Variants in PIK3C2G observed in about 807,000 individuals in gnomAD.
PIK3C2G encodes the protein phosphatidylinositol 3-kinase C2 domain-containing subunit gamma.
Under a neutral mutation model 181.1 loss-of-function variants are expected in PIK3C2G, and 168 were observed. The ratio of observed to expected loss-of-function variants is 0.93; its 90% CI spans 0.82 to 1.05. The LOEUF is 1.05. PIK3C2G is among the 50% of genes least tolerant of loss of function. The probability of loss-of-function intolerance (pLI) is 0.00; values close to 1 mark genes in which losing one functional copy is unlikely to be tolerated. For synonymous variants in PIK3C2G, 573 were observed against 592.2 expected, an observed-to-expected ratio of 0.97 and a Z score of 0.47; for missense variants, 1,869 against 1,732.8, an observed-to-expected ratio of 1.08 and a Z score of -1.40.
At chr12:18,591,716 TCA>T (rs1482647081) in intron 29 of PIK3C2G, among the ~76,000 whole-genome samples, 1 of 151,890 alleles carries the variant, frequency 6.6e-6, no homozygotes, top group Admixed American at 6.6e-5. Flanking sequence ...TAATGCAGAA[TCA>T]CTACAGGTTT....
intron 30 of PIK3C2G, among the ~76,000 whole-genome samples, chr12:18,599,326 T>G (rs1427412846): frequency 6.6e-6 from 1 of 151,836 alleles, no homozygotes; most frequent in African/African-American, 2.4e-5. Flanking sequence ...CCATAAAAAA[T>G]GATGAGTTCA....
At chr12:18,387,268 G>T (rs186858177) in intron 14 of PIK3C2G, among the ~76,000 whole-genome samples, 2 of 152,170 alleles carry the variant, frequency 1.3e-5, no homozygotes, top group East Asian at 3.9e-4. Context: ...AATTTATACA[G>T]TCACAAGGGT....
At chr12:18,721,946 G>A in the PIK3C2G span, among the ~76,000 whole-genome samples, 608 of 152,032 alleles carry the variant, frequency 4.0e-3, 3 homozygotes, top group Non-Finnish European at 6.5e-3. Flanking sequence ...TGGCCTATAA[G>A]AACCTATATG....
chr12:18,387,669 T>C (rs1360503921), intron 14 of PIK3C2G, among the ~76,000 whole-genome samples: 1 of 152,192 alleles, frequency 6.6e-6, no homozygotes, highest in Admixed American at 6.5e-5. Flanking sequence ...CCTTCTTCTA[T>C]GTTCACGTAA....
At position 18,282,250 on chromosome 12, in the gene PIK3C2G, G is replaced by A. The variant is rs1251272146; in HGVS notation, c.169G>A (p.Glu57Lys). Residue 57 changes from glutamate (E) to lysine (K), a missense_variant, in exon 2 of 33, where the codon GAA (glutamate) becomes AAA (lysine). Glu to Lys is a moderately conservative substitution (Grantham distance 56). Coordinates refer to ENST00000538779, the MANE Select transcript of PIK3C2G (RefSeq NM_001288772.2). ...ISGKIPHYES[E>K]IDENTFFVPT... ...TGGCAAAATTCCACACTACGAGAGT[G>A]AAATTGATGAAAACACCTTTTTTGT... is the stretch of plus-strand genomic sequence containing the variant. 2 of 1,613,708 alleles carry A rather than the reference G, an allele frequency of 1.2e-6. No homozygotes were observed.
At chr12:18,523,447 TTGGTA>T (rs1432602935) in intron 24 of PIK3C2G, among the ~76,000 whole-genome samples, 1 of 152,194 alleles carries the variant, frequency 6.6e-6, no homozygotes, top group African/African-American at 2.4e-5. Flanking sequence ...GGTAGCAACA[TTGGTA>T]GGATCACTGC....
intron 22 of PIK3C2G, among the ~76,000 whole-genome samples, chr12:18,498,420 AT>A (rs1233807457): frequency 6.6e-6 from 1 of 152,250 alleles, no homozygotes; most frequent in African/African-American, 2.4e-5. Context: ...AGACAACAAT[AT>A]CTAAGATATC....
chr12:18,472,891 G>A (rs919851231), intron 18 of PIK3C2G, among the ~76,000 whole-genome samples: 2 of 151,976 alleles, frequency 1.3e-5, no homozygotes, highest in African/African-American at 4.8e-5. Flanking sequence ...GTAGAGAGGC[G>A]GTTTCACCAT....
intron 18 of PIK3C2G, among the ~76,000 whole-genome samples, chr12:18,429,870 C>A (rs534261031): frequency 7.9e-5 from 12 of 152,294 alleles, no homozygotes; most frequent in Admixed American, 5.9e-4. Context: ...TGACTGCTAA[C>A]AAAATACGGC....
chr12:18,272,316 A>G (rs7307621), intron 1 of PIK3C2G, among the ~76,000 whole-genome samples: 56,533 of 151,882 alleles, frequency 0.37, 10,661 homozygotes, highest in Non-Finnish European at 0.41. Flanking sequence ...AATTAAATCT[A>G]GAGGCTTAAT....
At chr12:18,305,724 T>A (rs566069577) in intron 5 of PIK3C2G, among the ~76,000 whole-genome samples, 1 of 152,200 alleles carries the variant, frequency 6.6e-6, no homozygotes, top group South Asian at 2.1e-4. Context: ...ATTTGTAAAG[T>A]CTGTAGTAGG....
chr12:18,443,164 C>G (rs781634668), intron 18 of PIK3C2G, among the ~76,000 whole-genome samples: 3 of 152,188 alleles, frequency 2.0e-5, no homozygotes, highest in Admixed American at 1.3e-4. Context: ...AGCCACCATG[C>G]CCAGCCTAAT....
chr12:18,274,894 T>A (rs975876770), intron 1 of PIK3C2G, among the ~76,000 whole-genome samples: 1 of 152,220 alleles, frequency 6.6e-6, no homozygotes, highest in Non-Finnish European at 1.5e-5. Context: ...ATAGCCATAT[T>A]AAACTGTCTT....
chr12:18,488,092 T>C (rs1002320015), intron 18 of PIK3C2G, among the ~76,000 whole-genome samples: 3 of 152,130 alleles, frequency 2.0e-5, no homozygotes, highest in Non-Finnish European at 2.9e-5. Flanking sequence ...TATAGTACAG[T>C]CACTTATAAA....
chr12:18,480,686 C>T (rs879783338), intron 18 of PIK3C2G, among the ~76,000 whole-genome samples: 2 of 152,112 alleles, frequency 1.3e-5, no homozygotes, highest in African/African-American at 2.4e-5. Flanking sequence ...TGGCAGCAAC[C>T]GAATGACCTG....
At chr12:18,477,798 A>T (rs1939156092) in intron 18 of PIK3C2G, among the ~76,000 whole-genome samples, 1 of 152,154 alleles carries the variant, frequency 6.6e-6, no homozygotes, top group Admixed American at 6.5e-5. Flanking sequence ...CCCAGCTGTG[A>T]TTTGAAGCTG....
chr12:18,543,593 C>T (rs1944277649), intron 25 of PIK3C2G, among the ~76,000 whole-genome samples: 3 of 151,954 alleles, frequency 2.0e-5, no homozygotes, highest in Non-Finnish European at 2.9e-5. Flanking sequence ...AGTCCAGCTT[C>T]AATCTTCTGC....
rs145586667 is a variant in PIK3C2G at position 18,600,648 on chromosome 12, T to C, written c.4087+6079T>C. ...AAGAATTAACCATAGAAAGATGAAA[T>C]TATAGTAACAGACTACCTGTTCAAC... On this transcript the variant is annotated intron_variant, in intron 30 of 32. Coordinates refer to ENST00000538779, the MANE Select transcript of PIK3C2G (RefSeq NM_001288772.2). 4.2e-3 allele frequency among the ~76,000 whole-genome samples: 633 copies of C among 152,040 alleles called. 9 individuals are homozygous for C. Among genetic ancestry groups the C allele is most frequent in the African/African-American group, 0.015 (610 of 41,500 alleles).
the PIK3C2G span, among the ~76,000 whole-genome samples, chr12:18,720,317 CA>C: frequency 6.6e-6 from 1 of 151,408 alleles, no homozygotes; most frequent in African/African-American, 2.4e-5. Flanking sequence ...ATTGTGCTGC[CA>C]AAAATAACCA....
Sources: gnomAD v4.1 joint callset for allele counts (sites outside exome capture counted in the v4.1 genomes callset) on GRCh38, gnomAD v4.1.1 for gene constraint, MANE v1.5 for transcripts, NCBI Gene and HGNC (gene_info 2026-07-23, HGNC 2026-07-21) for gene names.